The following GABRG3 variants were observed in gnomAD, a reference collection of about 807,000 sequenced individuals.
GABRG3 encodes the protein gamma-aminobutyric acid type A receptor subunit gamma3.
A neutral mutation model predicts 48.8 loss-of-function variants in GABRG3; 25 were observed. That is an observed-to-expected ratio of 0.51 (90% CI 0.37 to 0.72). The LOEUF is 0.72. Among genes scored for constraint, GABRG3 ranks in the 30% least tolerant of loss-of-function variants. The pLI, the probability that GABRG3 is intolerant of heterozygous loss-of-function variation, is 0.00. For missense variants in GABRG3, 394 were observed against 577.9 expected (o/e 0.68, Z 3.26); for synonymous variants, 227 against 217.6 (o/e 1.04, Z -0.38).
chr15:27,240,928 A>C (rs1030190667), intron 3 of GABRG3, among the ~76,000 whole-genome samples: 1 of 152,172 alleles, frequency 6.6e-6, no homozygotes, highest in Non-Finnish European at 1.5e-5. Flanking sequence ...ATAAAATTTC[A>C]CATTTCATAT....
chr15:27,174,701 C>T (rs1187475102), intron 3 of GABRG3, among the ~76,000 whole-genome samples: 1 of 151,958 alleles, frequency 6.6e-6, no homozygotes, highest in African/African-American at 2.4e-5. Flanking sequence ...CATCATTACT[C>T]TATATGATTC....
chr15:27,086,643 C>G (rs1385210765), intron 3 of GABRG3, among the ~76,000 whole-genome samples: 1 of 152,186 alleles, frequency 6.6e-6, no homozygotes, highest in East Asian at 1.9e-4. Flanking sequence ...TAGGTTAGTT[C>G]CACAAGCATT....
chr15:27,149,630 C>T (rs956919498), intron 3 of GABRG3, among the ~76,000 whole-genome samples: 8 of 152,128 alleles, frequency 5.3e-5, no homozygotes, highest in Non-Finnish European at 7.4e-5. Flanking sequence ...ACTAGTATAA[C>T]GATAGGCATA....
At chr15:26,972,995 T>C (rs1894874463) in intron 1 of GABRG3, among the ~76,000 whole-genome samples, 1 of 152,216 alleles carries the variant, frequency 6.6e-6, no homozygotes, top group African/African-American at 2.4e-5. Context: ...AGGTTGCTTC[T>C]TCCTGGTTGT....
intron 5 of GABRG3, among the ~76,000 whole-genome samples, chr15:27,449,339 C>T (rs975247253): frequency 2.0e-5 from 3 of 152,142 alleles, no homozygotes; most frequent in African/African-American, 4.8e-5. Context: ...TGGTGAAGCC[C>T]GGAGAATTCA....
chr15:27,079,970 T>C (rs868366147), intron 3 of GABRG3, among the ~76,000 whole-genome samples: 5 of 152,330 alleles, frequency 3.3e-5, no homozygotes, highest in Middle Eastern at 3.4e-3. Context: ...GGTGGAGCTT[T>C]TGAGGGCTGG....
chr15:27,446,418 C>G (rs1038428622), intron 5 of GABRG3, among the ~76,000 whole-genome samples: 2 of 152,128 alleles, frequency 1.3e-5, no homozygotes, highest in African/African-American at 4.8e-5. Context: ...AACACAAGTG[C>G]AATAGCATTC....
intron 3 of GABRG3, among the ~76,000 whole-genome samples, chr15:27,287,108 A>G (rs1891638876): frequency 6.6e-6 from 1 of 152,174 alleles, no homozygotes; most frequent in East Asian, 1.9e-4. Context: ...CTTTTCGAAA[A>G]TGAGGTGTTG....
At chr15:27,473,913 C>T (rs895053904) in intron 5 of GABRG3, among the ~76,000 whole-genome samples, 1 of 152,190 alleles carries the variant, frequency 6.6e-6, no homozygotes, top group African/African-American at 2.4e-5. Flanking sequence ...TAAACTCTGT[C>T]TTGTCTGTCT....
At chr15:27,425,557 G>A (rs978520209) in intron 5 of GABRG3, among the ~76,000 whole-genome samples, 2 of 152,114 alleles carry the variant, frequency 1.3e-5, no homozygotes, top group African/African-American at 4.8e-5. Flanking sequence ...CTTGCAGTGA[G>A]CTGAGATCAC....
intron 3 of GABRG3, among the ~76,000 whole-genome samples, chr15:27,084,229 A>T (rs376615514): frequency 1.3e-4 from 20 of 152,280 alleles, no homozygotes; most frequent in African/African-American, 4.6e-4. Context: ...GCCTTTTGGG[A>T]TTATCCCACG....
chr15:27,297,653 A>G (rs1892043539), intron 3 of GABRG3, among the ~76,000 whole-genome samples: 1 of 152,188 alleles, frequency 6.6e-6, no homozygotes, highest in South Asian at 2.1e-4. Context: ...ACACTCTATG[A>G]TGTTCACACA....
intron 6 of GABRG3, among the ~76,000 whole-genome samples, chr15:27,488,357 T>C (rs1256248164): frequency 2.0e-5 from 3 of 152,140 alleles, no homozygotes; most frequent in Non-Finnish European, 4.4e-5. Flanking sequence ...CAAGGAGGAC[T>C]TGGAAAACGG....
At chr15:27,380,425 G>GT (rs142157061) in intron 5 of GABRG3, among the ~76,000 whole-genome samples, 10,920 of 145,546 alleles carry the variant, frequency 0.075, 464 homozygotes, top group Non-Finnish European at 0.093. Context: ...TGTGTGTGTG[G>GT]TTTTTTTTTT....
chr15:27,168,865 A>G (rs1887469186), intron 3 of GABRG3, among the ~76,000 whole-genome samples: 1 of 152,248 alleles, frequency 6.6e-6, no homozygotes, highest in African/African-American at 2.4e-5. Flanking sequence ...CTGTCATAGC[A>G]GAATGAAAGG....
At chr15:27,095,601 G>T (rs2140760568) in intron 3 of GABRG3, among the ~76,000 whole-genome samples, 1 of 152,274 alleles carries the variant, frequency 6.6e-6, no homozygotes, top group South Asian at 2.1e-4. Flanking sequence ...ATAACCGAGT[G>T]TATACTCATC....
intron 5 of GABRG3, among the ~76,000 whole-genome samples, chr15:27,369,866 A>G (rs1187189757): frequency 6.7e-6 from 1 of 150,052 alleles, no homozygotes; most frequent in East Asian, 2.0e-4. Context: ...AACCTTTCAG[A>G]TGTGGGCACG....
intron 3 of GABRG3, among the ~76,000 whole-genome samples, chr15:27,301,983 A>G (rs890218789): frequency 2.6e-5 from 4 of 152,108 alleles, no homozygotes; most frequent in Non-Finnish European, 5.9e-5. Flanking sequence ...TCCTTCAGGG[A>G]TAAAGGCACT....
chr15:27,289,950 A>G (rs1891743515), intron 3 of GABRG3, among the ~76,000 whole-genome samples: 2 of 152,170 alleles, frequency 1.3e-5, no homozygotes, highest in East Asian at 3.9e-4. Context: ...GTACCCAGAT[A>G]TTGTTTTATA....
Sources: allele counts gnomAD v4.1 joint callset (sites outside exome capture counted in the v4.1 genomes callset), GRCh38; gene constraint gnomAD v4.1.1; transcripts MANE v1.5; gene names NCBI Gene and HGNC (gene_info 2026-07-23, HGNC 2026-07-21).